The following IKZF2 variants were observed in gnomAD, a reference collection of about 807,000 sequenced individuals.
IKZF2 encodes zinc finger protein Helios.
In IKZF2, 15 loss-of-function variants were observed where a neutral mutation model predicts 49.2. The ratio of observed to expected loss-of-function variants is 0.30; its 90% CI spans 0.20 to 0.47. IKZF2 has a LOEUF of 0.47. Among genes scored for constraint, IKZF2 ranks in the 20% least tolerant of loss-of-function variants. The pLI, the probability that IKZF2 is intolerant of heterozygous loss-of-function variation, is 1.00. For missense variants in IKZF2, 567 were observed against 664.6 expected, an observed-to-expected ratio of 0.85 and a Z score of 1.61; for synonymous variants, 227 against 221.4, an observed-to-expected ratio of 1.03 and a Z score of -0.23.
chr2:213,019,475 C>T (rs1301894675), intron 7 of IKZF2, among the ~76,000 whole-genome samples: 3 of 152,140 alleles, frequency 2.0e-5, no homozygotes, highest in Non-Finnish European at 4.4e-5. Context: ...CAGTATTTAT[C>T]AACTCCTACC....
intron 4 of IKZF2, among the ~76,000 whole-genome samples, chr2:213,065,928 A>C (rs1702119834): frequency 1.3e-5 from 2 of 152,042 alleles, no homozygotes; most frequent in African/African-American, 2.4e-5. Context: ...GGTGTAGCAG[A>C]TTGCCAGTCT....
intron 4 of IKZF2, among the ~76,000 whole-genome samples, chr2:213,106,375 A>G (rs892080263): frequency 2.0e-5 from 3 of 152,018 alleles, no homozygotes; most frequent in African/African-American, 7.2e-5. Flanking sequence ...ACAATGGTTC[A>G]CGTCTATAAT....
intron 4 of IKZF2, among the ~76,000 whole-genome samples, chr2:213,117,026 G>T (rs2059902693): frequency 6.6e-6 from 1 of 152,054 alleles, no homozygotes; most frequent in Non-Finnish European, 1.5e-5. Context: ...AGCACTTAGG[G>T]TAAAATTCCG....
intron 4 of IKZF2, among the ~76,000 whole-genome samples, chr2:213,057,825 A>G (rs1701308931): frequency 6.6e-6 from 1 of 152,192 alleles, no homozygotes; most frequent in South Asian, 2.1e-4. Flanking sequence ...AAAGCAGCTA[A>G]TCACAGTAAT....
At chr2:213,080,648 C>A (rs758881946) in intron 4 of IKZF2, among the ~76,000 whole-genome samples, 2 of 152,050 alleles carry the variant, frequency 1.3e-5, no homozygotes, top group African/African-American at 2.4e-5. Context: ...TATTTTCTTA[C>A]AACTAGTAAA....
chr2:213,136,387 A>AAG (rs1553602767), intron 4 of IKZF2, among the ~76,000 whole-genome samples: 2,874 of 99,750 alleles, frequency 0.029, 62 homozygotes, highest in African/African-American at 0.04. Context: ...AAAAAAAAAA[A>AAG]AAAAGAAAAA....
At chr2:213,113,550 T>C (rs1368773771) in intron 4 of IKZF2, among the ~76,000 whole-genome samples, 1 of 152,208 alleles carries the variant, frequency 6.6e-6, no homozygotes, top group Non-Finnish European at 1.5e-5. Context: ...GTAAATATAC[T>C]ACCTACTTTC....
intron 4 of IKZF2, among the ~76,000 whole-genome samples, chr2:213,103,002 T>C (rs1706889365): frequency 6.6e-6 from 1 of 152,082 alleles, no homozygotes; most frequent in African/African-American, 2.4e-5. Context: ...GAGGATCAAG[T>C]CCATATAGTG....
chr2:213,140,163 T>G (rs2060815777), intron 4 of IKZF2, among the ~76,000 whole-genome samples: 1 of 151,918 alleles, frequency 6.6e-6, no homozygotes, highest in Admixed American at 6.6e-5. Flanking sequence ...AAGAAGTGTT[T>G]CTAGCATTAA....
At chr2:213,067,078 AT>A (rs1391711623) in intron 4 of IKZF2, among the ~76,000 whole-genome samples, 3 of 152,118 alleles carry the variant, frequency 2.0e-5, no homozygotes, top group Non-Finnish European at 4.4e-5. Context: ...AGGTTCGTTC[AT>A]TTATAAGTCA....
chr2:213,102,083 T>C (rs1395953305), intron 4 of IKZF2, among the ~76,000 whole-genome samples: 2 of 152,204 alleles, frequency 1.3e-5, no homozygotes, highest in Non-Finnish European at 2.9e-5. Context: ...TTTACTTGTT[T>C]TGGTAAAACC....
At chr2:213,134,817 T>C (rs140078913) in intron 4 of IKZF2, among the ~76,000 whole-genome samples, 23 of 152,346 alleles carry the variant, frequency 1.5e-4, no homozygotes, top group African/African-American at 4.6e-4. Flanking sequence ...ATTTATTTTT[T>C]TGTGAAGAAA....
intron 4 of IKZF2, among the ~76,000 whole-genome samples, chr2:213,059,486 T>C (rs186597984): frequency 5.3e-4 from 80 of 151,774 alleles, no homozygotes; most frequent in Non-Finnish European, 9.9e-4. Flanking sequence ...GAAATGCTAT[T>C]GGTTATCCCA....
At chr2:213,064,563 G>A (rs1408669331) in intron 4 of IKZF2, among the ~76,000 whole-genome samples, 3 of 151,934 alleles carry the variant, frequency 2.0e-5, no homozygotes, top group Admixed American at 6.6e-5. Flanking sequence ...GCCCACAGAC[G>A]GAGTTTCTAT....
At chr2:213,088,744 C>T (rs1005480764) in intron 4 of IKZF2, among the ~76,000 whole-genome samples, 16 of 152,092 alleles carry the variant, frequency 1.1e-4, no homozygotes, top group Middle Eastern at 3.4e-3. Flanking sequence ...GGCAACAGAG[C>T]GAGACTCTGT....
Position 213,000,040 on chromosome 2 carries a change from C to T in IKZF2, c.*7320G>A, listed in dbSNP as rs938709200. 1.3e-5 allele frequency: 2 copies of T among 151,742 alleles called. No homozygotes were observed. The highest frequency in any genetic ancestry group is 3.0e-5 in the Non-Finnish European group (2 of 67,614). The allele number at this position is 151,742 out of a possible 1,614,324, so 9.4% of individuals were successfully genotyped here. A position where few individuals can be genotyped will look rare whatever the true frequency, so the allele number is the denominator to read the frequency against. ...CATTAAAAACAAAGAAGATACAAGT[C>T]CCACATTTTAGTCTGCAGTGATAAA... On this transcript the variant is annotated 3_prime_UTR_variant, in exon 9 of 9. Coordinates refer to ENST00000434687, the MANE Select transcript of IKZF2 (RefSeq NM_001387220.1).
chr2:213,029,779 C>G (rs1479935858), intron 6 of IKZF2, among the ~76,000 whole-genome samples: 1 of 152,012 alleles, frequency 6.6e-6, no homozygotes, highest in East Asian at 1.9e-4. Flanking sequence ...TTGGACCTTA[C>G]TACTTAATAA....
At chr2:213,042,628 T>C (rs917001062) in intron 6 of IKZF2, among the ~76,000 whole-genome samples, 1 of 152,174 alleles carries the variant, frequency 6.6e-6, no homozygotes, top group South Asian at 2.1e-4. Context: ...GATAAAAATA[T>C]TTCTAAAGAA....
At chr2:213,055,172 TAGG>T (rs1701023152) in intron 5 of IKZF2, among the ~76,000 whole-genome samples, 2 of 152,098 alleles carry the variant, frequency 1.3e-5, no homozygotes, top group South Asian at 4.1e-4. Context: ...TTTTACTAGA[TAGG>T]AGAAGTTACA....
Sources: allele counts gnomAD v4.1 joint callset (sites outside exome capture counted in the v4.1 genomes callset), GRCh38; gene constraint gnomAD v4.1.1; transcripts MANE v1.5; gene names NCBI Gene and HGNC (gene_info 2026-07-23, HGNC 2026-07-21).